ITPK1: variants seen among roughly 807,000 people sequenced by gnomAD.
ITPK1 encodes inositol-tetrakisphosphate 1-kinase.
In ITPK1, 21 loss-of-function variants were observed where a neutral mutation model predicts 45.3. That is an observed-to-expected ratio of 0.46 (90% confidence interval 0.33 to 0.67). The LOEUF (loss-of-function observed/expected upper bound fraction) is 0.67. ITPK1 is among the 30% of genes least tolerant of loss of function. ITPK1 has a pLI of 0.02. For missense variants in ITPK1, 474 were observed against 573.5 expected, an observed-to-expected ratio of 0.83 and a Z score of 1.77; for synonymous variants, 258 against 253.6, an observed-to-expected ratio of 1.02 and a Z score of -0.16.
rs1891233721 is a variant in ITPK1 at position 93,076,677 on chromosome 14, C to T, written c.96-58G>A. 49 of 1,609,782 alleles carry T rather than the reference C, an allele frequency of 3.0e-5. No homozygotes were observed. In the South Asian group the frequency reaches 3.1e-4, roughly 10 times the overall value. ...TCCAGCAGGCTGGACACGTCCTTTC[C>T]GAAGGTTCCCGACAGCCGGCTGAGG... On this transcript the variant is annotated intron_variant, in intron 2 of 10. Coordinates refer to ENST00000267615, the MANE Select transcript of ITPK1 (RefSeq NM_014216.6). The surrounding 1 kb of genome is among the most constrained non-coding windows in gnomAD (Gnocchi z 4.3).
chr14:93,040,410 A>C (rs1052864299), intron 3 of ITPK1, among the ~76,000 whole-genome samples: 4 of 152,110 alleles, frequency 2.6e-5, no homozygotes, highest in Non-Finnish European at 5.9e-5. Flanking sequence ...GTCTTGGTCC[A>C]CTTTGCCACT....
chr14:93,024,556 T>C (rs1888636793), intron 3 of ITPK1, among the ~76,000 whole-genome samples: 1 of 152,244 alleles, frequency 6.6e-6, no homozygotes, highest in South Asian at 2.1e-4. Flanking sequence ...GGATGTTCTC[T>C]GGCCTCAGCG....
chr14:93,013,114 G>T (rs1490919551), intron 4 of ITPK1, among the ~76,000 whole-genome samples: 1 of 152,190 alleles, frequency 6.6e-6, no homozygotes, highest in African/African-American at 2.4e-5. Flanking sequence ...GCCCACGTGG[G>T]CAGGCCCTGG....
At position 93,016,442 on chromosome 14, in the gene ITPK1, G is replaced by C. The variant is rs377466945; in HGVS notation, c.246+234C>G. ...CAGTAAACCGTGTCTACACAGCCAG[G>C]GGGTGGAGACGGCCCAACCATGCCC... On this transcript the variant is annotated intron_variant, in intron 4 of 10. Coordinates refer to ENST00000267615, the MANE Select transcript of ITPK1 (RefSeq NM_014216.6). The surrounding 1 kb of genome is among the most constrained non-coding windows in gnomAD (Gnocchi z 5.0). Among the ~76,000 whole-genome samples, 2 of 152,260 alleles carry C rather than the reference G, an allele frequency of 1.3e-5. No individual in the cohort carries two copies. The highest frequency in any genetic ancestry group is 6.8e-3 in the Middle Eastern group (2 of 294).
At chr14:92,965,713 A>G (rs1566702219) in intron 5 of ITPK1, among the ~76,000 whole-genome samples, 1 of 152,242 alleles carries the variant, frequency 6.6e-6, no homozygotes, top group Non-Finnish European at 1.5e-5. Flanking sequence ...TTTAAAAATT[A>G]TATTTATGGG....
rs1952468619 is a variant in ITPK1, at chr14:92,940,123, GCCAGGCCGAAGGACCT to G, written c.*1422_*1437del. ...AGTGGGCATCCTGCAGCCCAGCTGA[GCCAGGCCGAAGGACCT>G]CCATGCACTGGCTCGGGGGCCTCTC... On this transcript the variant is annotated 3_prime_UTR_variant, in exon 11 of 11. Coordinates refer to ENST00000267615, the MANE Select transcript of ITPK1 (RefSeq NM_014216.6). The G allele has an allele frequency of 1.0e-5, 10 of 985,800 alleles. No homozygotes were observed. In the South Asian group the frequency reaches 4.2e-4, roughly 42 times the overall value. The allele number at this position is 985,800 out of a possible 1,614,324, so 61.1% of individuals were successfully genotyped here.
chr14:93,093,338 G>A (rs942496291), intron 2 of ITPK1, among the ~76,000 whole-genome samples: 4 of 152,198 alleles, frequency 2.6e-5, no homozygotes, highest in African/African-American at 7.2e-5. Context: ...AGGCCGTTTC[G>A]GCCCTTTGTG....
chr14:93,005,530 G>A (rs1371956500), intron 4 of ITPK1, among the ~76,000 whole-genome samples: 1 of 152,146 alleles, frequency 6.6e-6, no homozygotes, highest in Non-Finnish European at 1.5e-5. Flanking sequence ...GCAAGAGGAG[G>A]AGACTGCCAG....
chr14:92,986,292 G>C (rs1886480860), intron 5 of ITPK1, among the ~76,000 whole-genome samples: 1 of 152,216 alleles, frequency 6.6e-6, no homozygotes, highest in Admixed American at 6.5e-5. Context: ...CCAACAAGGA[G>C]GTTTTGAGTA....
intron 3 of ITPK1, among the ~76,000 whole-genome samples, chr14:93,045,000 C>T (rs1203226136): frequency 6.6e-6 from 1 of 152,220 alleles, no homozygotes; most frequent in Non-Finnish European, 1.5e-5. Context: ...AAGAAAGGGG[C>T]ATTTAAGGTC....
rs1891224835 is a variant in ITPK1 at position 93,076,525 on chromosome 14, G to A, written c.120+70C>T. 3 of 1,538,896 alleles carry A rather than the reference G, an allele frequency of 1.9e-6. No homozygotes were observed. The highest frequency in any genetic ancestry group is 1.7e-5 in the Admixed American group (1 of 59,296). ...CCGTGCCCAATGCTGGAGGAGAGAA[G>A]GAGAGACAGAGAGGTGGGCACCAAG... On this transcript the variant is annotated intron_variant, in intron 3 of 10. Transcript: ENST00000267615. The surrounding 1 kb of genome is among the most constrained non-coding windows in gnomAD (Gnocchi z 4.3).
intron 4 of ITPK1, chr14:92,998,909 C>G (rs757085603): frequency 6.6e-6 from 1 of 152,222 alleles, no homozygotes. Flanking sequence ...TTACCTGGGA[C>G]TTGCTATATG....
At chr14:93,018,174 G>A (rs1037806102) in intron 3 of ITPK1, among the ~76,000 whole-genome samples, 1 of 152,218 alleles carries the variant, frequency 6.6e-6, no homozygotes, top group African/African-American at 2.4e-5. Context: ...GAGAGAGGGA[G>A]GGAATGTATT....
chr14:92,942,952 G>A (rs1349259547), intron 10 of ITPK1, among the ~76,000 whole-genome samples: 1 of 152,244 alleles, frequency 6.6e-6, no homozygotes, highest in Non-Finnish European at 1.5e-5. Flanking sequence ...TCAGACGGGG[G>A]CACCCTGTGC....
intron 5 of ITPK1, among the ~76,000 whole-genome samples, chr14:92,984,063 C>G (rs1162184619): frequency 6.6e-6 from 1 of 152,142 alleles, no homozygotes; most frequent in Non-Finnish European, 1.5e-5. Context: ...CTAGAGCCTA[C>G]TGTAATGAAA....
intron 4 of ITPK1, among the ~76,000 whole-genome samples, chr14:93,004,245 C>T (rs531522030): frequency 9.5e-4 from 144 of 152,354 alleles, no homozygotes; most frequent in African/African-American, 3.2e-3. Flanking sequence ...CGACAGGCAC[C>T]GACCACCAGC....
At chr14:92,951,770 G>A (rs1391934695) in intron 9 of ITPK1, among the ~76,000 whole-genome samples, 176 bp downstream of exon 9, 1 of 152,102 alleles carries the variant, frequency 6.6e-6, no homozygotes, top group Non-Finnish European at 1.5e-5. Context: ...AAAACTCGAA[G>A]CAAGCAGAGG....
At chr14:93,114,692 A>C (rs939776423) in intron 2 of ITPK1, among the ~76,000 whole-genome samples, 2 of 152,160 alleles carry the variant, frequency 1.3e-5, no homozygotes, top group African/African-American at 2.4e-5. Flanking sequence ...GGACGAAGGA[A>C]GAAAAACACT....
intron 4 of ITPK1, among the ~76,000 whole-genome samples, chr14:93,006,580 C>T (rs1457907586): frequency 6.6e-6 from 1 of 152,188 alleles, no homozygotes; most frequent in East Asian, 1.9e-4. Context: ...ATGGTCACTT[C>T]GGGTCATCCT....
Sources: gnomAD v4.1 joint callset for allele counts (sites outside exome capture counted in the v4.1 genomes callset) on GRCh38, gnomAD v4.1.1 for gene constraint, Gnocchi (gnomAD v3.1) non-coding constraint, MANE v1.5 for transcripts, NCBI Gene and HGNC (gene_info 2026-07-23, HGNC 2026-07-21) for gene names.